The following ATP10B variants were observed in gnomAD, a reference collection of about 807,000 sequenced individuals.
ATP10B encodes ATPase phospholipid transporting 10B (putative).
ATP10B carries 122 observed loss-of-function variants against 141.2 expected under a neutral mutation model. The ratio of observed to expected loss-of-function variants is 0.86; its 90% CI spans 0.75 to 1.00. The LOEUF is 1.00. Among genes scored for constraint, ATP10B ranks in the 50% least tolerant of loss-of-function variants. The probability of loss-of-function intolerance (pLI) is 0.00; values close to 1 mark genes in which losing one functional copy is unlikely to be tolerated. For missense variants in ATP10B, 1,876 were observed against 1,825.3 expected (o/e 1.03, Z -0.51); for synonymous variants, 685 against 692.0 (o/e 0.99, Z 0.16).
At chr5:160,655,893 A>G (rs1483850073) in intron 7 of ATP10B, among the ~76,000 whole-genome samples, 1 of 152,186 alleles carries the variant, frequency 6.6e-6, no homozygotes, top group African/African-American at 2.4e-5. Context: ...CAAAGTTCCC[A>G]GTCCGGCTCA....
At chr5:160,866,866 A>ACC in the ATP10B span, among the ~76,000 whole-genome samples, 2 of 151,918 alleles carry the variant, frequency 1.3e-5, no homozygotes, top group Non-Finnish European at 2.9e-5. Flanking sequence ...ACCCACCTGT[A>ACC]CCCCCCAAAC....
chr5:160,920,245 G>T, the ATP10B span, among the ~76,000 whole-genome samples: 1 of 152,138 alleles, frequency 6.6e-6, no homozygotes, highest in South Asian at 2.1e-4. Context: ...AATTTGAATC[G>T]ACATCTTTCT....
intron 1 of ATP10B, among the ~76,000 whole-genome samples, chr5:160,786,006 T>A (rs559483454): frequency 6.6e-5 from 10 of 152,184 alleles, no homozygotes; most frequent in Non-Finnish European, 1.3e-4. Flanking sequence ...TGCTACTTTA[T>A]CTGCCACCAT....
At chr5:160,776,038 A>G (rs922000815) in intron 2 of ATP10B, among the ~76,000 whole-genome samples, 4 of 152,192 alleles carry the variant, frequency 2.6e-5, no homozygotes, top group Non-Finnish European at 5.9e-5. Flanking sequence ...TCCTATAAAT[A>G]TTAGCTATTG....
At chr5:160,877,864 A>G in the ATP10B span, among the ~76,000 whole-genome samples, 99,290 of 136,686 alleles carry the variant, frequency 0.73, 38,192 homozygotes, top group East Asian at 0.97. Context: ...TACAAACCAC[A>G]GCTCAATGAA....
chr5:160,656,232 C>T (rs543109931), intron 7 of ATP10B, among the ~76,000 whole-genome samples: 6 of 152,252 alleles, frequency 3.9e-5, no homozygotes, highest in Non-Finnish European at 7.4e-5. Flanking sequence ...TCTGTTTCAT[C>T]CTTTTTCTGT....
At chr5:160,719,008 G>A (rs1765821313) in intron 2 of ATP10B, among the ~76,000 whole-genome samples, 1 of 152,200 alleles carries the variant, frequency 6.6e-6, no homozygotes, top group African/African-American at 2.4e-5. Flanking sequence ...CAACAGGATT[G>A]AAGTTCGTCA....
intron 24 of ATP10B, among the ~76,000 whole-genome samples, chr5:160,571,371 T>C (rs1242151851): frequency 6.6e-6 from 1 of 152,224 alleles, no homozygotes; most frequent in Non-Finnish European, 1.5e-5. Flanking sequence ...TTGTAGTCTT[T>C]ATTTCTAAAT....
chr5:160,783,591 AC>A (rs1406347856), intron 2 of ATP10B, among the ~76,000 whole-genome samples: 1 of 116,222 alleles, frequency 8.6e-6, no homozygotes, highest in East Asian at 4.8e-4. Context: ...ACACACACAC[AC>A]ACACATACAC....
chr5:160,807,715 G>T (rs1357393468), intron 1 of ATP10B, among the ~76,000 whole-genome samples: 1 of 152,138 alleles, frequency 6.6e-6, no homozygotes, highest in African/African-American at 2.4e-5. Context: ...AGAACTATTT[G>T]ATCATACAAT....
intron 3 of ATP10B, among the ~76,000 whole-genome samples, chr5:160,715,277 C>T (rs545031332): frequency 3.0e-4 from 38 of 128,040 alleles, no homozygotes; most frequent in Admixed American, 7.7e-5. Flanking sequence ...ATTCCGTGGG[C>T]GTAGAACCCT....
intron 2 of ATP10B, among the ~76,000 whole-genome samples, chr5:160,728,209 T>C (rs1224031387): frequency 6.6e-6 from 1 of 152,126 alleles, no homozygotes; most frequent in Non-Finnish European, 1.5e-5. Flanking sequence ...GCCTACCGTC[T>C]CTTCTTCTTG....
chr5:160,634,159 C>G, intron 12 of ATP10B, 195 bp downstream of exon 12: 1 of 826,002 alleles, frequency 1.2e-6, no homozygotes, highest in African/African-American at 1.7e-5. Context: ...CCTTTGTAAA[C>G]AAATGAAAGT....
At chr5:160,903,862 T>C in the ATP10B span, among the ~76,000 whole-genome samples, 1 of 152,224 alleles carries the variant, frequency 6.6e-6, no homozygotes, top group Admixed American at 6.5e-5. Context: ...CAGCAAGGAA[T>C]AGACTCAGCT....
chr5:160,861,462 T>A, the ATP10B span, among the ~76,000 whole-genome samples: 3 of 151,908 alleles, frequency 2.0e-5, no homozygotes, highest in Non-Finnish European at 4.4e-5. Context: ...AATGTTTATA[T>A]CAAAAATTTA....
chr5:160,904,976 T>A, the ATP10B span, among the ~76,000 whole-genome samples: 1 of 152,184 alleles, frequency 6.6e-6, no homozygotes, highest in African/African-American at 2.4e-5. Context: ...GAGGAGGAGA[T>A]TCTTTAAGGC....
chr5:160,640,557 G>C lies in ATP10B; in HGVS notation c.904C>G (p.Pro302Ala). Reference protein sequence around the residue: ...ETKAMLNNSGPRYKRSKIERR... With the variant: ...ETKAMLNNSGARYKRSKIERR... ...TCAATCTTGCTGCGTTTGTACCGGG[G>C]GCCACTGTTGTTCAGCATGGCTTTC... The change falls in exon 10 of 26, where the codon CCC becomes GCC. Residue 302 changes from proline to alanine, a missense_variant. Physicochemically the swap from Pro to Ala is conservative, Grantham distance 27. Coordinates refer to ENST00000327245, the MANE Select transcript of ATP10B (RefSeq NM_025153.3). 1 of 1,614,078 alleles carries C rather than the reference G, an allele frequency of 6.2e-7. No individual in the cohort carries two copies. The highest frequency in any genetic ancestry group is 1.1e-5 in the South Asian group (1 of 91,072).
chr5:160,652,087 G>A (rs1420349728), intron 7 of ATP10B, among the ~76,000 whole-genome samples: 2 of 152,168 alleles, frequency 1.3e-5, no homozygotes, highest in East Asian at 1.9e-4. Flanking sequence ...CAATGGTGAA[G>A]TTTGACTCTT....
chr5:160,807,846 T>G (rs1013971405), intron 1 of ATP10B, among the ~76,000 whole-genome samples: 1 of 152,224 alleles, frequency 6.6e-6, no homozygotes, highest in South Asian at 2.1e-4. Context: ...TTTCTAGAAC[T>G]GACCAACTAC....
Sources: allele counts gnomAD v4.1 joint callset (sites outside exome capture counted in the v4.1 genomes callset), GRCh38; gene constraint gnomAD v4.1.1; transcripts MANE v1.5; gene names NCBI Gene and HGNC (gene_info 2026-07-23, HGNC 2026-07-21).